Variants in TLL1 observed in about 807,000 individuals in gnomAD.
TLL1 encodes tolloid-like protein 1.
A neutral mutation model predicts 128.2 loss-of-function variants in TLL1; 49 were observed. The observed-to-expected ratio is 0.38, with a 90% CI of 0.30 to 0.48. The LOEUF (loss-of-function observed/expected upper bound fraction) is 0.48, where lower values mean the gene tolerates loss of function less well. Among genes scored for constraint, TLL1 ranks in the 20% least tolerant of loss-of-function variants. The pLI is 0.96. For missense variants in TLL1, 1,123 were observed against 1,242.0 expected (o/e 0.90, Z 1.44); for synonymous variants, 454 against 418.8 (o/e 1.08, Z -1.03).
At chr4:165,932,322 GTTTC>G (rs1733566468) in intron 1 of TLL1, among the ~76,000 whole-genome samples, 1 of 152,150 alleles carries the variant, frequency 6.6e-6, no homozygotes, top group South Asian at 2.1e-4. Flanking sequence ...CTTCCAGGTT[GTTTC>G]TTTATACTGA....
chr4:166,038,427 C>T (rs969749314), intron 9 of TLL1, among the ~76,000 whole-genome samples: 1 of 151,604 alleles, frequency 6.6e-6, no homozygotes, highest in Non-Finnish European at 1.5e-5. Context: ...AACTGGCTTA[C>T]TATGAGCCTT....
At chr4:166,030,414 T>A (rs767772295) in intron 9 of TLL1, 11 of 532,676 alleles carry the variant, frequency 2.1e-5, no homozygotes, top group South Asian at 1.1e-4. Flanking sequence ...AAGCACTGAT[T>A]AGAGATATGA....
At chr4:165,955,523 T>A (rs932736095) in intron 1 of TLL1, among the ~76,000 whole-genome samples, 3 of 151,556 alleles carry the variant, frequency 2.0e-5, no homozygotes, top group African/African-American at 7.3e-5. Flanking sequence ...AAAGAAAAAA[T>A]TATTAAAGGA....
At chr4:166,000,425 T>C (rs1322543374) in intron 5 of TLL1, among the ~76,000 whole-genome samples, 1 of 152,198 alleles carries the variant, frequency 6.6e-6, no homozygotes, top group Non-Finnish European at 1.5e-5. Flanking sequence ...TACCTCTGAA[T>C]AAGGCAGTGT....
intron 9 of TLL1, among the ~76,000 whole-genome samples, chr4:166,037,379 G>A (rs778287103): frequency 6.6e-6 from 1 of 152,134 alleles, no homozygotes; most frequent in Non-Finnish European, 1.5e-5. Context: ...AATGATCAAT[G>A]CTTTGCCTTT....
intron 16 of TLL1, among the ~76,000 whole-genome samples, chr4:166,066,380 T>A (rs987220830): frequency 2.2e-4 from 33 of 151,868 alleles, no homozygotes; most frequent in African/African-American, 7.7e-4. Flanking sequence ...TAAAATTTCC[T>A]TCTTAAAGAG....
chr4:165,983,202 A>G (rs902839555), intron 1 of TLL1, among the ~76,000 whole-genome samples: 2 of 151,856 alleles, frequency 1.3e-5, no homozygotes, highest in African/African-American at 4.8e-5. Flanking sequence ...TATTTGTGGT[A>G]TGGATGATAT....
Position 166,060,088 on chromosome 4 carries a change from A to T in TLL1, c.1907A>T (p.Lys636Met). The change falls in exon 15 of 21, where the codon AAG becomes ATG. Residue 636 changes from lysine (K) to methionine (M), a missense_variant. Around this residue, in one of 3 missense-constraint regions of TLL1, gnomAD observed 634 missense variants for 672.4 expected, o/e 0.94. Coordinates refer to ENST00000061240, the MANE Select transcript of TLL1 (RefSeq NM_012464.5). Reference protein sequence around the residue: ...NGTITTPGWPKEYPPNKNCVW... With the variant: ...NGTITTPGWPMEYPPNKNCVW... ...ACCATAACCACCCCTGGCTGGCCCA[A>T]GGAGTACCCTCCTAATAAGAACTGT... The T allele has an allele frequency of 6.2e-7, 1 of 1,613,820 alleles. No individual in the cohort carries two copies. The highest frequency in any genetic ancestry group is 1.1e-5 in the South Asian group (1 of 91,080).
intron 5 of TLL1, among the ~76,000 whole-genome samples, chr4:166,001,781 C>G (rs113325499): frequency 0.032 from 4,222 of 130,270 alleles, 130 homozygotes; most frequent in East Asian, 0.16. Context: ...GGTGACAAAG[C>G]AAAACTCCAT....
chr4:165,952,091 G>A (rs1257653404), intron 1 of TLL1, among the ~76,000 whole-genome samples: 4 of 152,122 alleles, frequency 2.6e-5, no homozygotes, highest in African/African-American at 7.2e-5. Context: ...AATAGTACTT[G>A]TGGTACAAAT....
intron 16 of TLL1, among the ~76,000 whole-genome samples, chr4:166,068,531 A>G (rs145138894): frequency 3.9e-4 from 59 of 151,978 alleles, no homozygotes; most frequent in African/African-American, 1.3e-3. Flanking sequence ...CTTAAATGCT[A>G]AAACTCACTA....
At chr4:166,062,416 C>T (rs1158364744) in intron 15 of TLL1, among the ~76,000 whole-genome samples, 3 of 152,150 alleles carry the variant, frequency 2.0e-5, no homozygotes, top group African/African-American at 7.2e-5. Flanking sequence ...TACAGTTCTC[C>T]TTGAAGAGGT....
chr4:165,972,122 T>C (rs1328061673), intron 1 of TLL1, among the ~76,000 whole-genome samples: 2 of 152,222 alleles, frequency 1.3e-5, no homozygotes, highest in African/African-American at 4.8e-5. Flanking sequence ...GCCAGCCACC[T>C]GTGTGAATCA....
chr4:165,969,980 G>A (rs1168877931), intron 1 of TLL1, among the ~76,000 whole-genome samples: 2 of 152,134 alleles, frequency 1.3e-5, no homozygotes, highest in East Asian at 1.9e-4. Context: ...GTTCCTACAC[G>A]GATTTTCATC....
At chr4:166,004,932 C>T (rs1029657821) in intron 6 of TLL1, among the ~76,000 whole-genome samples, 6 of 150,056 alleles carry the variant, frequency 4.0e-5, no homozygotes, top group Admixed American at 6.6e-5. Context: ...TTATAGCGAT[C>T]GTTAACTGGG....
At chr4:165,884,846 G>T (rs1731102387) in intron 1 of TLL1, among the ~76,000 whole-genome samples, 1 of 152,044 alleles carries the variant, frequency 6.6e-6, no homozygotes, top group Non-Finnish European at 1.5e-5. Context: ...AAATAATAAT[G>T]ATAATAAAAA....
chr4:166,045,277 A>G lies in TLL1; in HGVS notation c.1524+1858A>G, dbSNP rs190900235. ...GTAGATCTCTTGTCTTTACATGACC[A>G]AAACCGAACCCTTGCTTATTTTATT... On this transcript the variant is annotated intron_variant, in intron 12 of 20. Transcript: ENST00000061240. Among the ~76,000 whole-genome samples, 4 of 152,090 alleles carry G rather than the reference A, an allele frequency of 2.6e-5. No homozygotes were observed. In the East Asian group the frequency reaches 7.7e-4, roughly 29 times the overall value.
chr4:166,003,438 C>G lies in TLL1; in HGVS notation c.680C>G (p.Ser227Cys). ...GRRGNGPQAISIGKNCDKFGI... is the reference protein window; with the variant it reads ...GRRGNGPQAICIGKNCDKFGI... ...CGAGGAAATGGACCTCAGGCAATCTCTATCGGCAAGAACTGTGATAAATTT... is the reference window on the plus strand; with the variant it reads ...CGAGGAAATGGACCTCAGGCAATCTGTATCGGCAAGAACTGTGATAAATTT... The change falls in exon 6 of 21, where the codon TCT (serine) becomes TGT (cysteine). Residue 227 changes from serine to cysteine, a missense_variant. Transcript: ENST00000061240. 6.2e-7 allele frequency: 1 copy of G among 1,614,054 alleles called. No homozygotes were observed. Among genetic ancestry groups the G allele is most frequent in the Non-Finnish European group, 8.5e-7 (1 of 1,179,964 alleles).
chr4:165,903,323 G>A (rs1050404143), intron 1 of TLL1, among the ~76,000 whole-genome samples: 3 of 151,704 alleles, frequency 2.0e-5, no homozygotes, highest in South Asian at 2.1e-4. Flanking sequence ...GGACAACAGA[G>A]CAAGACTCTG....
Sources: allele counts gnomAD v4.1 joint callset (sites outside exome capture counted in the v4.1 genomes callset), GRCh38; gene constraint gnomAD v4.1.1; regional missense constraint gnomAD v4.1.1; transcripts MANE v1.5; gene names NCBI Gene and HGNC (gene_info 2026-07-23, HGNC 2026-07-21).